NPAS3: variants seen among roughly 807,000 people sequenced by gnomAD.
NPAS3 encodes neuronal PAS domain protein 3.
NPAS3 carries 14 observed loss-of-function variants against 73.1 expected under a neutral mutation model. That is an observed-to-expected ratio of 0.19 (90% confidence interval 0.13 to 0.30). The LOEUF (loss-of-function observed/expected upper bound fraction) is 0.30, where lower values mean the gene tolerates loss of function less well. NPAS3 is among the 10% of genes least tolerant of loss of function. The pLI, the probability that NPAS3 is intolerant of heterozygous loss-of-function variation, is 1.00. For missense variants in NPAS3, 1,096 were observed against 1,250.0 expected (o/e 0.88, Z 1.86); for synonymous variants, 620 against 541.5 (o/e 1.14, Z -2.01).
chr14:33,655,204 C>T (rs2059109880), intron 5 of NPAS3, among the ~76,000 whole-genome samples: 2 of 152,216 alleles, frequency 1.3e-5, no homozygotes, highest in South Asian at 4.1e-4. Flanking sequence ...GAACCCAGTT[C>T]TCCTAACTAC....
chr14:33,590,509 T>A (rs960640166), intron 5 of NPAS3, among the ~76,000 whole-genome samples: 17 of 152,120 alleles, frequency 1.1e-4, no homozygotes, highest in African/African-American at 4.1e-4. Flanking sequence ...AGAAGGATAA[T>A]AAAGGTGTCA....
chr14:33,746,659 T>C (rs1213019270), intron 7 of NPAS3, among the ~76,000 whole-genome samples: 1 of 152,164 alleles, frequency 6.6e-6, no homozygotes, highest in East Asian at 1.9e-4. Context: ...ATTATCACTC[T>C]CATTCTGCAA....
intron 3 of NPAS3, among the ~76,000 whole-genome samples, chr14:33,229,017 A>G (rs544911758): frequency 6.6e-6 from 1 of 152,290 alleles, no homozygotes; most frequent in East Asian, 1.9e-4. Flanking sequence ...ATGCATAAAT[A>G]TAGTTAAATA....
intron 5 of NPAS3, among the ~76,000 whole-genome samples, chr14:33,665,118 C>A (rs1053448683): frequency 6.6e-6 from 1 of 152,138 alleles, no homozygotes; most frequent in African/African-American, 2.4e-5. Context: ...AGATGCCCAT[C>A]GATGATAGGC....
At chr14:33,189,458 C>T (rs2046092327) in intron 2 of NPAS3, among the ~76,000 whole-genome samples, 1 of 152,156 alleles carries the variant, frequency 6.6e-6, no homozygotes, top group African/African-American at 2.4e-5. Flanking sequence ...GCCTTTGTTA[C>T]CTGGACTATG....
At chr14:33,103,090 A>G (rs1311224298) in intron 2 of NPAS3, among the ~76,000 whole-genome samples, 2 of 152,200 alleles carry the variant, frequency 1.3e-5, no homozygotes, top group Non-Finnish European at 2.9e-5. Flanking sequence ...TATACATACC[A>G]ATACCTTATG....
At chr14:33,393,934 T>G (rs2047114176) in intron 4 of NPAS3, among the ~76,000 whole-genome samples, 1 of 152,200 alleles carries the variant, frequency 6.6e-6, no homozygotes, top group Non-Finnish European at 1.5e-5. Context: ...TTGTCTATAT[T>G]ATTACTTGCC....
chr14:32,941,309 C>CTCCTTCCTTCCTTCCTTCCT (rs1226851739), intron 1 of NPAS3, among the ~76,000 whole-genome samples: 249 of 6,852 alleles, frequency 0.036, 5 homozygotes, highest in African/African-American at 0.042. Context: ...CCCTCCCTCC[C>CTCCTTCCTTCCTTCCTTCCT]TCCTTCCTTC....
intron 4 of NPAS3, among the ~76,000 whole-genome samples, chr14:33,406,007 T>C (rs1175278971): frequency 1.3e-5 from 2 of 152,118 alleles, no homozygotes; most frequent in African/African-American, 4.8e-5. Flanking sequence ...AGAGATCTCA[T>C]AGTCTGCCTA....
intron 6 of NPAS3, among the ~76,000 whole-genome samples, chr14:33,728,060 C>A (rs2061316433): frequency 6.6e-6 from 1 of 152,188 alleles, no homozygotes; most frequent in South Asian, 2.1e-4. Context: ...CAGCTTGACT[C>A]TGACACTGTG....
intron 3 of NPAS3, among the ~76,000 whole-genome samples, chr14:33,230,354 C>G (rs896382166): frequency 6.6e-6 from 1 of 152,076 alleles, no homozygotes; most frequent in Non-Finnish European, 1.5e-5. Flanking sequence ...TCTGGCTATC[C>G]CAAATCTACA....
intron 4 of NPAS3, among the ~76,000 whole-genome samples, chr14:33,454,841 G>A (rs1193025545): frequency 6.6e-6 from 1 of 152,170 alleles, no homozygotes; most frequent in African/African-American, 2.4e-5. Flanking sequence ...ATACTGATGG[G>A]AGTACCTGTT....
At chr14:33,757,102 A>T (rs1267422633) in intron 7 of NPAS3, among the ~76,000 whole-genome samples, 3 of 152,212 alleles carry the variant, frequency 2.0e-5, no homozygotes, top group African/African-American at 7.2e-5. Flanking sequence ...AAGCATCTGG[A>T]GTCCAGGGAG....
chr14:33,460,845 C>A (rs1400993025), intron 4 of NPAS3, among the ~76,000 whole-genome samples: 2 of 152,124 alleles, frequency 1.3e-5, no homozygotes, highest in African/African-American at 4.8e-5. Flanking sequence ...GAGAGTGGGT[C>A]CAGGAAGTTG....
intron 1 of NPAS3, among the ~76,000 whole-genome samples, chr14:33,013,983 A>C (rs2039303547): frequency 6.6e-6 from 1 of 152,160 alleles, no homozygotes; most frequent in Non-Finnish European, 1.5e-5. Context: ...AAAGAAATAA[A>C]ACTATTTCCA....
chr14:33,234,947 G>A (rs1241841805), intron 3 of NPAS3, among the ~76,000 whole-genome samples: 2 of 151,964 alleles, frequency 1.3e-5, no homozygotes, highest in Non-Finnish European at 2.9e-5. Context: ...AGCTATGTCT[G>A]TAATGGCAAA....
intron 6 of NPAS3, among the ~76,000 whole-genome samples, chr14:33,713,990 G>A (rs1053643421): frequency 1.1e-4 from 17 of 151,912 alleles, no homozygotes; most frequent in African/African-American, 2.9e-4. Context: ...CTATCTCACC[G>A]GATATCCAAA....
intron 7 of NPAS3, among the ~76,000 whole-genome samples, chr14:33,752,692 G>A (rs901165235): frequency 2.0e-5 from 3 of 152,152 alleles, no homozygotes; most frequent in South Asian, 2.1e-4. Flanking sequence ...TGGAGCAACC[G>A]CAGTCTAACT....
intron 3 of NPAS3, among the ~76,000 whole-genome samples, chr14:33,258,900 G>A (rs1401575850): frequency 9.2e-5 from 14 of 152,078 alleles, no homozygotes; most frequent in East Asian, 3.9e-4. Flanking sequence ...TGCAAGCTCC[G>A]CCTCCCGGGT....
Sources: gnomAD v4.1 joint callset for allele counts (sites outside exome capture counted in the v4.1 genomes callset) on GRCh38, gnomAD v4.1.1 for gene constraint, MANE v1.5 for transcripts, NCBI Gene and HGNC (gene_info 2026-07-23, HGNC 2026-07-21) for gene names.